The following SLAIN1 variants were observed in gnomAD, a reference collection of about 807,000 sequenced individuals.
The protein encoded by SLAIN1 is SLAIN motif-containing protein 1.
In SLAIN1, 17 loss-of-function variants were observed where a neutral mutation model predicts 55.4. The ratio of observed to expected loss-of-function variants is 0.31; its 90% confidence interval spans 0.21 to 0.46. The LOEUF is 0.46. Ranked by LOEUF, SLAIN1 falls within the 20% of genes least tolerant of loss-of-function variation. The probability of loss-of-function intolerance (pLI) is 1.00; values close to 1 mark genes in which losing one functional copy is unlikely to be tolerated. For synonymous variants in SLAIN1, 348 were observed against 337.4 expected (o/e 1.03, Z -0.35); for missense variants, 682 against 785.1 (o/e 0.87, Z 1.57).
At chr13:77,741,189 T>C in intron 2 of SLAIN1, 1 of 985,516 alleles carries the variant, frequency 1.0e-6, no homozygotes. Flanking sequence ...ATCAGACTGG[T>C]ATAAAATAAC....
At chr13:77,721,113 C>T (rs1391440637) in intron 2 of SLAIN1, among the ~76,000 whole-genome samples, 2 of 152,150 alleles carry the variant, frequency 1.3e-5, no homozygotes, top group Non-Finnish European at 2.9e-5. Flanking sequence ...TAGAGGGAGG[C>T]ACCTGGTGGG....
intron 2 of SLAIN1, among the ~76,000 whole-genome samples, chr13:77,730,530 T>C (rs1194870905): frequency 6.6e-6 from 1 of 152,188 alleles, no homozygotes; most frequent in Non-Finnish European, 1.5e-5. Context: ...ACACTTAATT[T>C]ACTTCGGAAA....
At position 77,698,173 on chromosome 13, in the gene SLAIN1, C is replaced by T. The variant is rs1393858107; in HGVS notation, c.260C>T (p.Thr87Met). Reference protein sequence around the residue: ...PLGPRSPPAATATAAASGGLG... With the variant: ...PLGPRSPPAAMATAAASGGLG... Reference sequence around the variant, plus strand: ...GGTCCTCGGAGCCCCCCGGCCGCCACGGCCACCGCCGCGGCCTCAGGGGGC... The same window carrying T: ...GGTCCTCGGAGCCCCCCGGCCGCCATGGCCACCGCCGCGGCCTCAGGGGGC... The change falls in exon 1 of 7, where the codon ACG (threonine) becomes ATG (methionine). Residue 87 changes from threonine (T) to methionine (M), a missense_variant. Thr to Met is a moderately conservative substitution (Grantham distance 81, BLOSUM62 -1). Transcript: ENST00000418532. This position sits in a 1 kb window ranked among gnomAD's most constrained non-coding sequence, Gnocchi z 4.1. 1.7e-6 allele frequency: 2 copies of T among 1,178,666 alleles called. No homozygotes were observed. The highest frequency in any genetic ancestry group is 1.6e-5 in the African/African-American group (1 of 61,676). 73.0% of individuals were successfully genotyped at this position (1,178,666 alleles called of 1,614,324 possible). A position where few individuals can be genotyped will look rare whatever the true frequency, so the allele number is the denominator to read the frequency against.
intron 1 of SLAIN1, among the ~76,000 whole-genome samples, chr13:77,703,674 G>T (rs1355235861): frequency 6.6e-6 from 1 of 151,798 alleles, no homozygotes; most frequent in African/African-American, 2.4e-5. Context: ...GAGCCTGTTG[G>T]AACTAAGTAT....
At chr13:77,735,039 T>A (rs1419689395) in intron 2 of SLAIN1, among the ~76,000 whole-genome samples, 1 of 151,700 alleles carries the variant, frequency 6.6e-6, no homozygotes, top group Non-Finnish European at 1.5e-5. Context: ...TAAAAATAAA[T>A]AAATAAATAA....
At chr13:77,759,375 A>T (rs1357016702) in intron 5 of SLAIN1, among the ~76,000 whole-genome samples, 1 of 152,104 alleles carries the variant, frequency 6.6e-6, no homozygotes, top group African/African-American at 2.4e-5. Context: ...TATTATTGGT[A>T]AACAGTGACA....
intron 4 of SLAIN1, among the ~76,000 whole-genome samples, chr13:77,751,706 C>A (rs1420486817): frequency 6.6e-6 from 1 of 152,196 alleles, no homozygotes; most frequent in Non-Finnish European, 1.5e-5. Context: ...AAGCCCTCAT[C>A]TGGGCTGTGC....
chr13:77,698,955 T>C lies in SLAIN1; in HGVS notation c.626+416T>C, dbSNP rs2091002647. On this transcript the variant is annotated intron_variant, in intron 1 of 6. Transcript: ENST00000418532. This position sits in a 1 kb window ranked among gnomAD's most constrained non-coding sequence, Gnocchi z 4.1. ...GGGGTTGGCCTCTGTCTGCGACTGT[T>C]ACTGTTCTTTCGTTTTAAACGAACG... 2.0e-6 allele frequency: 3 copies of C among 1,534,160 alleles called. No individual in the cohort carries two copies. The highest frequency in any genetic ancestry group is 2.6e-6 in the Non-Finnish European group (3 of 1,146,780).
chr13:77,709,445 A>G (rs894255923), intron 1 of SLAIN1, among the ~76,000 whole-genome samples: 1 of 152,182 alleles, frequency 6.6e-6, no homozygotes, highest in African/African-American at 2.4e-5. Flanking sequence ...GAACAACTCC[A>G]AGACACAAAA....
intron 6 of SLAIN1, among the ~76,000 whole-genome samples, chr13:77,762,454 C>T (rs1295113864): frequency 2.6e-5 from 4 of 151,636 alleles, no homozygotes; most frequent in African/African-American, 9.7e-5. Context: ...GCTCTTTTGC[C>T]CAGGCTGGAG....
chr13:77,755,660 T>C (rs1227873713), intron 5 of SLAIN1, among the ~76,000 whole-genome samples: 1 of 152,146 alleles, frequency 6.6e-6, no homozygotes, highest in Non-Finnish European at 1.5e-5. Context: ...ATAAAATAAA[T>C]ATGCATGGGT....
chr13:77,738,831 G>A (rs910476871), intron 2 of SLAIN1, among the ~76,000 whole-genome samples: 25 of 152,146 alleles, frequency 1.6e-4, no homozygotes, highest in Non-Finnish European at 3.2e-4. Context: ...AGAATGTATC[G>A]AAATGCTACC....
At position 77,698,980 on chromosome 13, in the gene SLAIN1, G is replaced by A; in HGVS notation, c.626+441G>A. The A allele has an allele frequency of 6.5e-7, 1 of 1,534,624 alleles. No individual in the cohort carries two copies. Among genetic ancestry groups the A allele is most frequent in the Non-Finnish European group, 8.7e-7 (1 of 1,146,788 alleles). On this transcript the variant is annotated intron_variant, in intron 1 of 6. Coordinates refer to ENST00000418532, the MANE Select transcript of SLAIN1 (RefSeq NM_001242868.2). This position sits in a 1 kb window ranked among gnomAD's most constrained non-coding sequence, Gnocchi z 4.1. ...TACTGTTCTTTCGTTTTAAACGAAC[G>A]CTGGACAGGATTTGCGTGCTCTTCC...
At chr13:77,723,577 GA>G (rs2091281138) in intron 2 of SLAIN1, among the ~76,000 whole-genome samples, 1 of 152,158 alleles carries the variant, frequency 6.6e-6, no homozygotes, top group Non-Finnish European at 1.5e-5. Context: ...ACAGAGTTTA[GA>G]AGGCATTATT....
At chr13:77,757,206 G>A (rs966095224) in intron 5 of SLAIN1, among the ~76,000 whole-genome samples, 4 of 152,056 alleles carry the variant, frequency 2.6e-5, no homozygotes, top group African/African-American at 9.7e-5. Flanking sequence ...TGTTAGTGCA[G>A]TAGACTTGTT....
chr13:77,760,189 C>T (rs556826117), intron 5 of SLAIN1, among the ~76,000 whole-genome samples: 1 of 151,954 alleles, frequency 6.6e-6, no homozygotes, highest in South Asian at 2.1e-4. Flanking sequence ...AAACTTCTGC[C>T]TACCAGTTTG....
rs998372748 is a variant in SLAIN1 at position 77,698,296 on chromosome 13, T to A, written c.383T>A (p.Leu128Gln). Residue 128 changes from leucine (L) to glutamine (Q), a missense_variant, in exon 1 of 7, where the codon CTG becomes CAG. Around this residue, in one of 3 missense-constraint regions of SLAIN1, gnomAD observed 401 missense variants for 417.3 expected, o/e 0.96. Coordinates refer to ENST00000418532, the MANE Select transcript of SLAIN1 (RefSeq NM_001242868.2). The surrounding 1 kb of genome is among the most constrained non-coding windows in gnomAD (Gnocchi z 4.1). ...SSPAFPGTFC[L>Q]PSPAPSLLCS... The stretch of plus-strand genomic sequence containing the variant: ...CCCGCGTTCCCGGGCACCTTCTGCC[T>A]GCCTAGCCCCGCGCCCTCCCTGCTT... 15 of 1,433,620 alleles carry A rather than the reference T, an allele frequency of 1.0e-5. No homozygotes were observed. Among genetic ancestry groups the A allele is most frequent in the African/African-American group, 1.5e-5 (1 of 67,468 alleles). 88.8% of individuals were successfully genotyped at this position (1,433,620 alleles called of 1,614,324 possible). A position where few individuals can be genotyped will look rare whatever the true frequency, so the allele number is the denominator to read the frequency against.
chr13:77,742,304 T>G (rs964622266), intron 2 of SLAIN1, among the ~76,000 whole-genome samples: 1 of 151,992 alleles, frequency 6.6e-6, no homozygotes, highest in African/African-American at 2.4e-5. Context: ...GTTATATAAA[T>G]AATATGTATG....
intron 2 of SLAIN1, among the ~76,000 whole-genome samples, chr13:77,722,639 T>C (rs1255721181): frequency 6.6e-6 from 1 of 152,244 alleles, no homozygotes; most frequent in Non-Finnish European, 1.5e-5. Flanking sequence ...ATATTTTTTC[T>C]CTGCATGTCC....
Sources: allele counts gnomAD v4.1 joint callset (sites outside exome capture counted in the v4.1 genomes callset), GRCh38; gene constraint gnomAD v4.1.1; regional missense constraint gnomAD v4.1.1; non-coding constraint Gnocchi (gnomAD v3.1); transcripts MANE v1.5; gene names NCBI Gene and HGNC (gene_info 2026-07-23, HGNC 2026-07-21).